Variants in JMJD1C observed in about 807,000 individuals in gnomAD.
The protein encoded by JMJD1C is jumonji domain-containing protein 1C.
JMJD1C carries 31 observed loss-of-function variants against 245.3 expected under a neutral mutation model. The observed-to-expected ratio is 0.13, with a 90% confidence interval of 0.09 to 0.17. The LOEUF is 0.17. Ranked by LOEUF, JMJD1C falls within the 10% of genes least tolerant of loss-of-function variation. The pLI is 1.00. For missense variants in JMJD1C, 2,691 were observed against 3,000.2 expected, an observed-to-expected ratio of 0.90 and a Z score of 2.41; for synonymous variants, 1,057 against 1,017.4, an observed-to-expected ratio of 1.04 and a Z score of -0.74.
intron 1 of JMJD1C, among the ~76,000 whole-genome samples, chr10:63,393,667 G>A (rs1489063378): frequency 2.6e-5 from 4 of 152,080 alleles, no homozygotes; most frequent in Admixed American, 2.6e-4. Context: ...TGAAGAAAAT[G>A]TAGAATATAT....
At chr10:63,324,150 C>T (rs1003285262) in intron 2 of JMJD1C, among the ~76,000 whole-genome samples, 15 of 151,068 alleles carry the variant, frequency 9.9e-5, no homozygotes, top group African/African-American at 2.7e-4. Context: ...CTAATCTCTT[C>T]GGAAACACCC....
chr10:63,376,758 C>T (rs1946775299), intron 2 of JMJD1C, among the ~76,000 whole-genome samples: 1 of 151,836 alleles, frequency 6.6e-6, no homozygotes, highest in Non-Finnish European at 1.5e-5. Context: ...AAAGTAAATA[C>T]CAAAAAAATG....
chr10:63,289,882 A>C (rs1858433184), intron 2 of JMJD1C, among the ~76,000 whole-genome samples: 1 of 152,120 alleles, frequency 6.6e-6, no homozygotes, highest in Non-Finnish European at 1.5e-5. Flanking sequence ...ATTACAGGCA[A>C]AAATTCCAAG....
chr10:63,413,787 C>A (rs1949628880), intron 1 of JMJD1C, among the ~76,000 whole-genome samples: 1 of 151,864 alleles, frequency 6.6e-6, no homozygotes, highest in South Asian at 2.1e-4. Flanking sequence ...ATGAAAGAGT[C>A]AAAAATGTTT....
chr10:63,500,757 ATGGATGGATGGATGG>A (rs1564973327), intron 1 of JMJD1C, among the ~76,000 whole-genome samples: 2 of 150,622 alleles, frequency 1.3e-5, no homozygotes, highest in Non-Finnish European at 3.0e-5. Context: ...GGATGGATGG[ATGGATGGATGGATGG>A]ATGGATGGAT....
intron 1 of JMJD1C, among the ~76,000 whole-genome samples, chr10:63,389,248 G>A (rs891395203): frequency 7.0e-6 from 1 of 143,816 alleles, no homozygotes; most frequent in Non-Finnish European, 1.5e-5. Flanking sequence ...GAAGGCAGAG[G>A]TTACAGTGAG....
intron 3 of JMJD1C, chr10:63,222,868 A>G (rs1848771222): frequency 6.8e-6 from 10 of 1,461,330 alleles, no homozygotes; most frequent in Admixed American, 5.0e-5. Context: ...CAAAATATAT[A>G]AAAACTGCAT....
At chr10:63,204,847 C>T in intron 10 of JMJD1C, 1 of 985,404 alleles carries the variant, frequency 1.0e-6, no homozygotes, top group Non-Finnish European at 1.2e-6. Flanking sequence ...CACTTTGCCT[C>T]TGGTTTCCAC....
chr10:63,269,092 T>C (rs1298431559), intron 2 of JMJD1C: 3 of 985,340 alleles, frequency 3.0e-6, no homozygotes, highest in East Asian at 2.3e-4. Flanking sequence ...GTCGCTTACA[T>C]AACCAGTAAG....
intron 1 of JMJD1C, among the ~76,000 whole-genome samples, chr10:63,510,977 C>G (rs1954856377): frequency 6.6e-6 from 1 of 152,216 alleles, no homozygotes. Context: ...CTGAAGTCTA[C>G]TATTAATATA....
At chr10:63,408,883 A>G (rs1196733932) in intron 1 of JMJD1C, among the ~76,000 whole-genome samples, 1 of 152,216 alleles carries the variant, frequency 6.6e-6, no homozygotes. Context: ...AGGCCTGAGG[A>G]AAGATTTCAT....
chr10:63,186,047 C>G (rs1467573796), intron 19 of JMJD1C, among the ~76,000 whole-genome samples, 168 bp downstream of exon 19: 1 of 152,140 alleles, frequency 6.6e-6, no homozygotes, highest in African/African-American at 2.4e-5. Flanking sequence ...GAAATTAGTG[C>G]TAGAAATAGG....
chr10:63,421,285 G>T (rs1950112619), intron 1 of JMJD1C, among the ~76,000 whole-genome samples: 1 of 152,198 alleles, frequency 6.6e-6, no homozygotes, highest in South Asian at 2.1e-4. Flanking sequence ...GGTGAGCCGA[G>T]ATCGCCCCAT....
intron 2 of JMJD1C, among the ~76,000 whole-genome samples, chr10:63,318,700 T>C (rs1455068548): frequency 6.6e-6 from 1 of 152,152 alleles, no homozygotes; most frequent in Non-Finnish European, 1.5e-5. Context: ...TTCTTTGGCA[T>C]AGATAATTTG....
At chr10:63,265,287 C>A (rs1020178375) in intron 2 of JMJD1C, among the ~76,000 whole-genome samples, 2 of 149,606 alleles carry the variant, frequency 1.3e-5, no homozygotes, top group Non-Finnish European at 3.0e-5. Context: ...GCACCAAGCA[C>A]AGATAAAAAT....
intron 1 of JMJD1C, among the ~76,000 whole-genome samples, chr10:63,479,874 A>G (rs528562675): frequency 6.6e-6 from 1 of 152,318 alleles, no homozygotes; most frequent in Non-Finnish European, 1.5e-5. Context: ...TGAGACCCAG[A>G]TTTCTACTTT....
chr10:63,191,940 T>A (rs1211717811), intron 16 of JMJD1C, among the ~76,000 whole-genome samples: 1 of 121,342 alleles, frequency 8.2e-6, no homozygotes, highest in African/African-American at 3.3e-5. Flanking sequence ...GCCGAGATCA[T>A]GCCATTGCAC....
At chr10:63,258,493 C>T (rs12775231) in intron 3 of JMJD1C, among the ~76,000 whole-genome samples, 30,629 of 152,078 alleles carry the variant, frequency 0.2, 4,044 homozygotes, top group Non-Finnish European at 0.29. Context: ...GTGTATCCAG[C>T]ATTAATTCTA....
intron 2 of JMJD1C, among the ~76,000 whole-genome samples, chr10:63,305,226 G>C (rs1488188905): frequency 6.6e-6 from 1 of 151,932 alleles, no homozygotes; most frequent in Admixed American, 6.6e-5. Context: ...AAATTAGCTG[G>C]GTGTGGTGGC....
Sources: gnomAD v4.1 joint callset for allele counts (sites outside exome capture counted in the v4.1 genomes callset) on GRCh38, gnomAD v4.1.1 for gene constraint, MANE v1.5 for transcripts, NCBI Gene and HGNC (gene_info 2026-07-23, HGNC 2026-07-21) for gene names.